Variants in NDST1 observed in about 807,000 individuals in gnomAD.
NDST1 encodes bifunctional heparan sulfate N-deacetylase/N-sulfotransferase 1.
In NDST1, 35 loss-of-function variants were observed where a neutral mutation model predicts 92.8. The ratio of observed to expected loss-of-function variants is 0.38; its 90% CI spans 0.29 to 0.50. The LOEUF is 0.50. Among genes scored for constraint, NDST1 ranks in the 20% least tolerant of loss-of-function variants. The pLI is 0.94. For synonymous variants in NDST1, 493 were observed against 500.3 expected (o/e 0.99, Z 0.19); for missense variants, 822 against 1,182.7 (o/e 0.69, Z 4.47).
At position 150,551,779 on chromosome 5, in the gene NDST1, G is replaced by T; in HGVS notation, c.2453G>T (p.Cys818Phe). 1.2e-6 allele frequency: 2 copies of T among 1,613,506 alleles called. No homozygotes were observed. Among genetic ancestry groups the T allele is most frequent in the Non-Finnish European group, 1.7e-6 (2 of 1,179,528 alleles). The change falls in exon 14 of 15, where the codon TGC (cysteine) becomes TTC (phenylalanine). Residue 818 changes from cysteine to phenylalanine, a missense_variant. Physicochemically the swap from Cys to Phe is radical, Grantham distance 205 (BLOSUM62 -2). Coordinates refer to ENST00000261797, the MANE Select transcript of NDST1 (RefSeq NM_001543.5). The part of the protein sequence containing the change: ...LAFDPKKGFW[C>F]QLLEGGKTKC... ...TTTGATCCAAAGAAAGGATTTTGGT[G>T]CCAACTGCTTGAAGGAGGAAAAACC...
intron 3 of NDST1, among the ~76,000 whole-genome samples, chr5:150,529,003 A>G (rs1331793763): frequency 6.6e-6 from 1 of 152,196 alleles, no homozygotes; most frequent in African/African-American, 2.4e-5. Context: ...GAGCGCCTAC[A>G]AAACTCTTAA....
At chr5:150,552,940 G>A (rs546719172) in intron 14 of NDST1, among the ~76,000 whole-genome samples, 4 of 152,202 alleles carry the variant, frequency 2.6e-5, no homozygotes, top group African/African-American at 4.8e-5. Context: ...TCCGCTTTCC[G>A]GGTTCAAAAG....
chr5:150,501,415 C>T (rs1369183073), intron 1 of NDST1, among the ~76,000 whole-genome samples: 1 of 152,210 alleles, frequency 6.6e-6, no homozygotes, highest in Admixed American at 6.5e-5. Context: ...GAGGAAAAGG[C>T]ACCGGACAGG....
rs1249036845 is a variant in NDST1, at chr5:150,555,786, C to G, written c.*2454C>G. On this transcript the variant is annotated 3_prime_UTR_variant, in exon 15 of 15. Transcript: ENST00000261797. ...GGCCTAGGGCAGGAGCTCCACTTCT[C>G]TCTGCCTCTGGCTATGGGAAGGAGC... 1 of 152,266 alleles carries G rather than the reference C, an allele frequency of 6.6e-6. No individual in the cohort carries two copies. Among genetic ancestry groups the G allele is most frequent in the Non-Finnish European group, 1.5e-5 (1 of 68,078 alleles). The allele number at this position is 152,266 out of a possible 1,614,324, so 9.4% of individuals were successfully genotyped here.
chr5:150,509,691 A>G (rs1753630131), intron 1 of NDST1, among the ~76,000 whole-genome samples: 1 of 152,004 alleles, frequency 6.6e-6, no homozygotes, highest in African/African-American at 2.4e-5. Context: ...TTGTATTGTT[A>G]GTAGAGATGG....
chr5:150,503,743 C>G (rs1348402400), upstream of NDST1, among the ~76,000 whole-genome samples: 4 of 152,188 alleles, frequency 2.6e-5, no homozygotes, highest in Non-Finnish European at 5.9e-5. Context: ...CTTCCTTTCC[C>G]TAGCCAAGGG....
chr5:150,500,421 TTGCCCCCTG>T (rs1274131204), intron 1 of NDST1, among the ~76,000 whole-genome samples: 2 of 152,242 alleles, frequency 1.3e-5, no homozygotes, highest in African/African-American at 4.8e-5. Context: ...GGCTACTCTT[TTGCCCCCTG>T]TGCCAATGTT....
intron 1 of NDST1, among the ~76,000 whole-genome samples, chr5:150,519,416 G>T (rs1354407452): frequency 2.0e-5 from 3 of 152,152 alleles, no homozygotes; most frequent in Admixed American, 1.3e-4. Context: ...ACTGATAGTT[G>T]CTCCTTGGGG....
chr5:150,519,257 A>G (rs964927628), intron 1 of NDST1, among the ~76,000 whole-genome samples: 1 of 152,300 alleles, frequency 6.6e-6, no homozygotes, highest in African/African-American at 2.4e-5. Flanking sequence ...TGAGCACATC[A>G]TATAGTCTTG....
At chr5:150,525,644 AAGGCCAGGGCCCT>A (rs1207637999) in intron 2 of NDST1, among the ~76,000 whole-genome samples, 1 of 152,194 alleles carries the variant, frequency 6.6e-6, no homozygotes, top group African/African-American at 2.4e-5. Context: ...TGTGGTTTAC[AAGGCCAGGGCCCT>A]GCAGAGCCTT....
chr5:150,499,624 C>T (rs1477722899), intron 1 of NDST1, among the ~76,000 whole-genome samples: 1 of 152,200 alleles, frequency 6.6e-6, no homozygotes, highest in African/African-American at 2.4e-5. Context: ...ATGGTCTATC[C>T]CTCCAGCTGT....
At chr5:150,531,416 A>G (rs905122403) in intron 3 of NDST1, among the ~76,000 whole-genome samples, 1 of 151,960 alleles carries the variant, frequency 6.6e-6, no homozygotes, top group African/African-American at 2.4e-5. Context: ...GATGGTGACT[A>G]CATTGCCTGG....
chr5:150,543,015 TGG>T, intron 10 of NDST1, 44 bp downstream of exon 10: 1 of 1,612,344 alleles, frequency 6.2e-7, no homozygotes, highest in South Asian at 1.1e-5. Flanking sequence ...AAGGCCATCC[TGG>T]GGCCTCCCAG....
At chr5:150,529,710 G>GTC (rs1398746181) in intron 3 of NDST1, among the ~76,000 whole-genome samples, 5 of 152,318 alleles carry the variant, frequency 3.3e-5, no homozygotes, top group African/African-American at 1.2e-4. Context: ...CTGACAGCCT[G>GTC]TCCTCTCTTA....
At chr5:150,549,936 T>C (rs1308763089) in intron 13 of NDST1, 149 bp downstream of exon 13, 1 of 687,968 alleles carries the variant, frequency 1.5e-6, no homozygotes, top group Non-Finnish European at 2.7e-6. Context: ...GTCATATTAA[T>C]AAAGGTATCA....
Position 150,509,848 on chromosome 5 carries a change from G to A in NDST1, c.-388+1622G>A, listed in dbSNP as rs141561066. On this transcript the variant is annotated intron_variant, in intron 1 of 14. Coordinates refer to ENST00000261797, the MANE Select transcript of NDST1 (RefSeq NM_001543.5). ...TTATATTGGGGTGTCTGATGGGGGC[G>A]TGAGGACCCTCTGGCTGAAGTCCTG... Among the ~76,000 whole-genome samples, 521 of 152,304 alleles carry A rather than the reference G, an allele frequency of 3.4e-3. 2 individuals carry two copies. The highest frequency in any genetic ancestry group is 0.012 in the African/African-American group (498 of 41,558).
chr5:150,513,166 G>C (rs1333774156), intron 1 of NDST1, among the ~76,000 whole-genome samples: 2 of 152,096 alleles, frequency 1.3e-5, no homozygotes, highest in African/African-American at 4.8e-5. Flanking sequence ...CTGCACTCCA[G>C]CCTGGGCAAC....
In NDST1 at chr5:150,553,595, TC is replaced by T. The variant is rs1755808580; in HGVS notation, c.*265del. 4.2e-6 allele frequency: 2 copies of T among 476,236 alleles called. No individual in the cohort carries two copies. Among genetic ancestry groups the T allele is most frequent in the South Asian group, 3.9e-5 (2 of 51,364 alleles). 29.5% of individuals were successfully genotyped at this position (476,236 alleles called of 1,614,324 possible). A position where few individuals can be genotyped will look rare whatever the true frequency, so the allele number is the denominator to read the frequency against. ...CCCAGCTGCTCCTGGGGAGGCCGCT[TC>T]CTGGTAGGAGGGAGTCCACGAGACT... On this transcript the variant is annotated 3_prime_UTR_variant, in exon 15 of 15. Transcript: ENST00000261797. This position sits in a 1 kb window ranked among gnomAD's most constrained non-coding sequence, Gnocchi z 4.2.
In NDST1 at chr5:150,557,923, T is replaced by C. The variant is rs1755906270; in HGVS notation, c.*4591T>C. The C allele has an allele frequency of 7.4e-6, 1 of 134,400 alleles. No homozygotes were observed. Among genetic ancestry groups the C allele is most frequent in the African/African-American group, 2.4e-5 (1 of 40,866 alleles). The allele number at this position is 134,400 out of a possible 1,614,324, so 8.3% of individuals were successfully genotyped here. On this transcript the variant is annotated 3_prime_UTR_variant, in exon 15 of 15. Coordinates refer to ENST00000261797, the MANE Select transcript of NDST1 (RefSeq NM_001543.5). This position sits in a 1 kb window ranked among gnomAD's most constrained non-coding sequence, Gnocchi z 4.7. The stretch of plus-strand genomic sequence containing the variant: ...AGGAGAGGGTTTTCTATGACTGTGT[T>C]AGCTTTTATTATTAGCAAGAGGGCT...
Sources: gnomAD v4.1 joint callset for allele counts (sites outside exome capture counted in the v4.1 genomes callset) on GRCh38, gnomAD v4.1.1 for gene constraint, Gnocchi (gnomAD v3.1) non-coding constraint, MANE v1.5 for transcripts, NCBI Gene and HGNC (gene_info 2026-07-23, HGNC 2026-07-21) for gene names.